PAQR3: variants seen among roughly 807,000 people sequenced by gnomAD.
PAQR3 encodes Raf kinase trapping to Golgi.
PAQR3 carries 39 observed loss-of-function variants against 41.7 expected under a neutral mutation model. That is an observed-to-expected ratio of 0.93 (90% confidence interval 0.72 to 1.22). The LOEUF is 1.22. PAQR3 is among the 50% of genes most tolerant of loss of function. The pLI, the probability that PAQR3 is intolerant of heterozygous loss-of-function variation, is 0.00. For synonymous variants in PAQR3, 140 were observed against 140.6 expected (o/e 1.00, Z 0.03); for missense variants, 366 against 385.6 (o/e 0.95, Z 0.42).
Position 78,916,217 on chromosome 4 carries a change from C to T in PAQR3, c.*4322G>A, listed in dbSNP as rs909528735. 1 of 151,830 alleles carries T rather than the reference C, an allele frequency of 6.6e-6. No individual in the cohort carries two copies. The allele number at this position is 151,830 out of a possible 1,614,324, so 9.4% of individuals were successfully genotyped here. A position where few individuals can be genotyped will look rare whatever the true frequency, so the allele number is the denominator to read the frequency against. ...TGATTTTATTACTTTATTGCCTTTA[C>T]ACTGCTTATTCTTTTTGACTGAATT... On this transcript the variant is annotated 3_prime_UTR_variant, in exon 6 of 6. Transcript: ENST00000512733.
In PAQR3 at chr4:78,919,042, G is replaced by C. The variant is rs996199141; in HGVS notation, c.*1497C>G. 3.0e-6 allele frequency: 3 copies of C among 984,886 alleles called. No individual in the cohort carries two copies. The highest frequency in any genetic ancestry group is 1.7e-5 in the African/African-American group (1 of 57,238). The allele number at this position is 984,886 out of a possible 1,614,324, so 61.0% of individuals were successfully genotyped here. On this transcript the variant is annotated 3_prime_UTR_variant, in exon 6 of 6. Transcript: ENST00000512733. ...CTCCTGGGGGGAAATTCTCTTTGCT[G>C]AGATACTATACTAGCATGGGGAATT...
rs1014694259 is a variant in PAQR3, at chr4:78,913,834, C to T, written c.*6705G>A. Reference sequence around the variant, plus strand: ...TGTAGCAGAGGCAGACCAAGCATTACATTATTATTTAGAGCTGGACTGCAC... The same window carrying T: ...TGTAGCAGAGGCAGACCAAGCATTATATTATTATTTAGAGCTGGACTGCAC... On this transcript the variant is annotated 3_prime_UTR_variant, in exon 6 of 6. Transcript: ENST00000512733. 6.6e-6 allele frequency: 1 copy of T among 151,420 alleles called. No individual in the cohort carries two copies. The highest frequency in any genetic ancestry group is 1.5e-5 in the Non-Finnish European group (1 of 67,928). The allele number at this position is 151,420 out of a possible 1,614,324, so 9.4% of individuals were successfully genotyped here.
intron 2 of PAQR3, among the ~76,000 whole-genome samples, chr4:78,931,283 G>T (rs1317553775): frequency 6.6e-6 from 1 of 151,710 alleles, no homozygotes. Context: ...ACTTGAGCTT[G>T]GGAGATCGAG....
At chr4:78,891,890 A>C (rs1205431433) in intron 11 of PAQR3, among the ~76,000 whole-genome samples, 2 of 152,202 alleles carry the variant, frequency 1.3e-5, no homozygotes, top group Non-Finnish European at 2.9e-5. Flanking sequence ...TACTGAGTCT[A>C]AAATGTGATG....
rs1216308748 is a variant in PAQR3, at chr4:78,914,171, G to A, written c.*6368C>T. On this transcript the variant is annotated 3_prime_UTR_variant, in exon 6 of 6. Coordinates refer to ENST00000512733, the MANE Select transcript of PAQR3 (RefSeq NM_001040202.2). ...TCATGAGTTTCATCATTTAGAAAAG[G>A]GGTAGAGGATGAACTAATGTCTCCT... The A allele has an allele frequency of 6.6e-6, 1 of 151,896 alleles. No homozygotes were observed. The highest frequency in any genetic ancestry group is 1.5e-5 in the Non-Finnish European group (1 of 67,908). The allele number at this position is 151,896 out of a possible 1,614,324, so 9.4% of individuals were successfully genotyped here. A position where few individuals can be genotyped will look rare whatever the true frequency, so the allele number is the denominator to read the frequency against.
In PAQR3 at chr4:78,919,082, A is replaced by C. The variant is rs1183561316; in HGVS notation, c.*1457T>G. 7.1e-6 allele frequency: 7 copies of C among 984,868 alleles called. No homozygotes were observed. The highest frequency in any genetic ancestry group is 8.4e-6 in the Non-Finnish European group (7 of 829,686). 61.0% of individuals were successfully genotyped at this position (984,868 alleles called of 1,614,324 possible). Reference sequence around the variant, plus strand: ...CATGGGGAATTTATATTCCAAAAACACTACACTGGAAAAGAAACACAACAT... The same window carrying C: ...CATGGGGAATTTATATTCCAAAAACCCTACACTGGAAAAGAAACACAACAT... On this transcript the variant is annotated 3_prime_UTR_variant, in exon 6 of 6. Coordinates refer to ENST00000512733, the MANE Select transcript of PAQR3 (RefSeq NM_001040202.2).
At chr4:78,923,193 A>C (rs1735837356) in intron 5 of PAQR3, among the ~76,000 whole-genome samples, 1 of 149,858 alleles carries the variant, frequency 6.7e-6, no homozygotes, top group Non-Finnish European at 1.5e-5. Context: ...AAACATAAAG[A>C]CTCTTAACTT....
At chr4:78,900,595 C>G (rs1202262701) in intron 11 of PAQR3, among the ~76,000 whole-genome samples, 1 of 152,196 alleles carries the variant, frequency 6.6e-6, no homozygotes, top group Non-Finnish European at 1.5e-5. Context: ...CAGTCTGGTT[C>G]AGTCAGCTGG....
At chr4:78,905,624 A>G (rs1734245581) in intron 11 of PAQR3, among the ~76,000 whole-genome samples, 1 of 151,992 alleles carries the variant, frequency 6.6e-6, no homozygotes, top group African/African-American at 2.4e-5. Flanking sequence ...ATCTCAGTAA[A>G]TATGGGGATT....
At chr4:78,931,888 A>G (rs528212640) in intron 2 of PAQR3, among the ~76,000 whole-genome samples, 77 of 152,334 alleles carry the variant, frequency 5.1e-4, no homozygotes, top group African/African-American at 1.8e-3. Context: ...CTTCAATATT[A>G]TGGGTATGAT....
At chr4:78,936,054 A>G (rs1244669511) in intron 1 of PAQR3, among the ~76,000 whole-genome samples, 1 of 152,184 alleles carries the variant, frequency 6.6e-6, no homozygotes, top group Non-Finnish European at 1.5e-5. Context: ...CCCTGAGTCA[A>G]GAGGCTCACT....
intron 11 of PAQR3, among the ~76,000 whole-genome samples, chr4:78,898,226 T>C (rs1335166949): frequency 6.6e-6 from 1 of 152,188 alleles, no homozygotes; most frequent in African/African-American, 2.4e-5. Context: ...AGACCCACCC[T>C]GTGGGCTTTA....
chr4:78,937,888 T>C (rs935501459), intron 1 of PAQR3, among the ~76,000 whole-genome samples: 2 of 152,340 alleles, frequency 1.3e-5, no homozygotes, highest in South Asian at 4.1e-4. Flanking sequence ...CCTATTCTTG[T>C]GGAACTCCAG....
At chr4:78,934,587 T>C (rs1737233944) in intron 2 of PAQR3, among the ~76,000 whole-genome samples, 2 of 152,202 alleles carry the variant, frequency 1.3e-5, no homozygotes, top group South Asian at 2.1e-4. Context: ...GCCAGTGCTA[T>C]GGAACTAACA....
At chr4:78,930,793 G>A (rs1231921248) in intron 2 of PAQR3, among the ~76,000 whole-genome samples, 1 of 151,878 alleles carries the variant, frequency 6.6e-6, no homozygotes, top group Non-Finnish European at 1.5e-5. Context: ...GAGGTGGCCA[G>A]TGATAACATT....
At chr4:78,921,504 A>G (rs1054010146) in intron 5 of PAQR3, 1 of 195,588 alleles carries the variant, frequency 5.1e-6, no homozygotes, top group African/African-American at 2.4e-5. Flanking sequence ...TTTTTGTACC[A>G]TGGACGCCTC....
downstream of PAQR3, among the ~76,000 whole-genome samples, chr4:78,910,122 A>T (rs1295409319): frequency 1.3e-5 from 2 of 152,222 alleles, no homozygotes. Flanking sequence ...GTTTATAAAA[A>T]ATACAATGCT....
intron 11 of PAQR3, among the ~76,000 whole-genome samples, chr4:78,899,618 A>G (rs1175438748): frequency 6.6e-6 from 1 of 152,146 alleles, no homozygotes; most frequent in Non-Finnish European, 1.5e-5. Flanking sequence ...AAGAAGGACC[A>G]TAGAAACAGG....
At chr4:78,888,797 C>CT (rs1476526551) in intron 11 of PAQR3, among the ~76,000 whole-genome samples, 1 of 152,164 alleles carries the variant, frequency 6.6e-6, no homozygotes, top group East Asian at 1.9e-4. Flanking sequence ...TATGAATTGT[C>CT]TATCTTTGAA....
Sources: allele counts gnomAD v4.1 joint callset (sites outside exome capture counted in the v4.1 genomes callset), GRCh38; gene constraint gnomAD v4.1.1; transcripts MANE v1.5; gene names NCBI Gene and HGNC (gene_info 2026-07-23, HGNC 2026-07-21).